The following PREX2 variants were observed in gnomAD, a reference collection of about 807,000 sequenced individuals.
The protein encoded by PREX2 is phosphatidylinositol-3,4,5-trisphosphate dependent Rac exchange factor 2, also known as phosphatidylinositol 3,4,5-trisphosphate-dependent Rac exchanger 2 protein.
Under a neutral mutation model 203.2 loss-of-function variants are expected in PREX2, and 107 were observed. The observed-to-expected ratio is 0.53, with a 90% confidence interval of 0.45 to 0.62. The LOEUF (loss-of-function observed/expected upper bound fraction) is 0.62. Among genes scored for constraint, PREX2 ranks in the 20% least tolerant of loss-of-function variants. The pLI is 0.00. For synonymous variants in PREX2, 672 were observed against 663.6 expected (o/e 1.01, Z -0.19); for missense variants, 1,777 against 1,955.9 (o/e 0.91, Z 1.72).
intron 31 of PREX2, 68 bp from the exon 32 acceptor site, chr8:68,133,991 C>G: frequency 8.2e-7 from 1 of 1,219,468 alleles, no homozygotes; most frequent in Non-Finnish European, 1.2e-6. Context: ...AATGTAGATG[C>G]TGAACGCATT....
chr8:68,224,905 C>T (rs1166815384), intron 39 of PREX2, among the ~76,000 whole-genome samples: 1 of 152,128 alleles, frequency 6.6e-6, no homozygotes, highest in Non-Finnish European at 1.5e-5. Context: ...TGACAAACAA[C>T]CAAAATCCCA....
At chr8:68,212,665 C>G (rs1424453245) in intron 37 of PREX2, among the ~76,000 whole-genome samples, 1 of 152,190 alleles carries the variant, frequency 6.6e-6, no homozygotes, top group African/African-American at 2.4e-5. Context: ...TTGTAACATA[C>G]TCTTTGCCTC....
intron 1 of PREX2, among the ~76,000 whole-genome samples, chr8:67,979,998 G>A (rs1309721589): frequency 6.6e-6 from 1 of 152,160 alleles, no homozygotes; most frequent in African/African-American, 2.4e-5. Flanking sequence ...TAGGTTCAGA[G>A]CAACTCCTTC....
intron 1 of PREX2, among the ~76,000 whole-genome samples, chr8:67,975,272 GTTTTTTTTTTTTTT>G (rs75276095): frequency 1.0e-5 from 1 of 96,822 alleles, no homozygotes; most frequent in Non-Finnish European, 2.0e-5. Flanking sequence ...CACACGGCCT[GTTTTTTTTTTTTTT>G]TTTTTTTTTT....
intron 37 of PREX2, among the ~76,000 whole-genome samples, chr8:68,199,764 G>A (rs1812466887): frequency 1.3e-5 from 2 of 152,136 alleles, no homozygotes; most frequent in African/African-American, 4.8e-5. Context: ...CTCTTTCTTT[G>A]TAATACTTTA....
intron 8 of PREX2, among the ~76,000 whole-genome samples, 153 bp downstream of exon 8, chr8:68,044,743 T>C (rs572912359): frequency 9.1e-4 from 138 of 151,840 alleles, no homozygotes; most frequent in Non-Finnish European, 8.1e-4. Flanking sequence ...AAGAGAAAGG[T>C]GAGATAAGGG....
intron 4 of PREX2, 136 bp downstream of exon 4, chr8:68,022,276 C>G: frequency 1.7e-6 from 1 of 574,038 alleles, no homozygotes; most frequent in South Asian, 2.1e-5. Flanking sequence ...AGCAAGAGTC[C>G]TTTGATGAAA....
rs1302233560 is a variant in PREX2 at position 68,234,097 on chromosome 8, T to C, written c.*2719T>C. The C allele has an allele frequency of 1.3e-5, 2 of 152,164 alleles. No individual in the cohort carries two copies. Among genetic ancestry groups the C allele is most frequent in the Non-Finnish European group, 2.9e-5 (2 of 68,026 alleles). The allele number at this position is 152,164 out of a possible 1,614,324, so 9.4% of individuals were successfully genotyped here. Reference sequence around the variant, plus strand: ...GTATCATGTTCCTCCTCATCAAAAATAACAGTTTTAGATAGTACATCTCAT... The same window carrying C: ...GTATCATGTTCCTCCTCATCAAAAACAACAGTTTTAGATAGTACATCTCAT... On this transcript the variant is annotated 3_prime_UTR_variant, in exon 40 of 40. Coordinates refer to ENST00000288368, the MANE Select transcript of PREX2 (RefSeq NM_024870.4).
chr8:68,073,551 T>C (rs556450984), intron 14 of PREX2, among the ~76,000 whole-genome samples: 1 of 152,326 alleles, frequency 6.6e-6, no homozygotes, highest in East Asian at 1.9e-4. Context: ...TTTTAGGCTG[T>C]TCAAGAACAC....
At chr8:68,069,727 G>A in intron 12 of PREX2, 108 bp from the exon 13 acceptor site, 1 of 558,860 alleles carries the variant, frequency 1.8e-6, no homozygotes, top group Non-Finnish European at 3.2e-6. Context: ...TTTAGATTTT[G>A]TGATGATTCT....
rs12056440 is a variant in PREX2 at position 68,114,109 on chromosome 8, A to G, written c.3147-1644A>G. 7.6e-4 allele frequency among the ~76,000 whole-genome samples: 115 copies of G among 152,090 alleles called. 2 individuals are homozygous for G. In the East Asian group the frequency reaches 0.02, roughly 26 times the overall value. ...ACTCCTGACCTCACGTGATCCACCC[A>G]CCTCGGCCTCCCAAAGCGCTGGGAT... On this transcript the variant is annotated intron_variant, in intron 25 of 39. Transcript: ENST00000288368.
chr8:68,184,928 G>A (rs925519896), intron 35 of PREX2, among the ~76,000 whole-genome samples: 14 of 152,144 alleles, frequency 9.2e-5, no homozygotes, highest in African/African-American at 3.4e-4. Context: ...TATTGAGCTA[G>A]GATTCTCATT....
intron 20 of PREX2, among the ~76,000 whole-genome samples, chr8:68,092,581 T>A (rs1479126304): frequency 6.6e-6 from 1 of 152,168 alleles, no homozygotes; most frequent in Non-Finnish European, 1.5e-5. Context: ...TAGGATAATT[T>A]TTAAGGAAAT....
At chr8:68,118,697 A>G (rs1221463829) in intron 27 of PREX2, 53 bp downstream of exon 27, 2 of 1,269,572 alleles carry the variant, frequency 1.6e-6, no homozygotes, top group Non-Finnish European at 2.3e-6. Flanking sequence ...CCTATAGGAG[A>G]TAACTTTAAG....
chr8:68,030,869 T>G (rs1162786382), intron 6 of PREX2, among the ~76,000 whole-genome samples: 30 of 152,082 alleles, frequency 2.0e-4, no homozygotes, highest in Admixed American at 2.0e-3. Context: ...CCCAATAAGT[T>G]TGTGATGGAG....
At chr8:68,210,702 A>C (rs1027244028) in intron 37 of PREX2, among the ~76,000 whole-genome samples, 4 of 152,214 alleles carry the variant, frequency 2.6e-5, no homozygotes, top group Admixed American at 2.0e-4. Context: ...ATGAGGCAGT[A>C]GTAGGCTTCT....
rs372583859 is a variant in PREX2, at chr8:68,230,061, TC to T, written c.4776-1270del. Among the ~76,000 whole-genome samples, 478 of 152,280 alleles carry T rather than the reference TC, an allele frequency of 3.1e-3. 2 individuals are homozygous for T. The highest frequency in any genetic ancestry group is 0.01 in the African/African-American group (429 of 41,558). On this transcript the variant is annotated intron_variant, in intron 39 of 39. Coordinates refer to ENST00000288368, the MANE Select transcript of PREX2 (RefSeq NM_024870.4). Reference sequence around the variant, plus strand: ...ATAACATGTAGTGCATCAACCACCTTCCGGACTTGAAATACGTTTTGCAAAC... The same window carrying T: ...ATAACATGTAGTGCATCAACCACCTTCGGACTTGAAATACGTTTTGCAAAC...
chr8:67,978,287 A>G (rs1806167130), intron 1 of PREX2, among the ~76,000 whole-genome samples: 1 of 151,998 alleles, frequency 6.6e-6, no homozygotes, highest in African/African-American at 2.4e-5. Context: ...TTTTTTCCCC[A>G]TATCCTTACA....
At chr8:68,058,649 A>T (rs1448919843) in intron 10 of PREX2, among the ~76,000 whole-genome samples, 1 of 152,070 alleles carries the variant, frequency 6.6e-6, no homozygotes, top group Non-Finnish European at 1.5e-5. Flanking sequence ...TGGCCAGGCT[A>T]GTCTCCAACT....
Sources: allele counts gnomAD v4.1 joint callset (sites outside exome capture counted in the v4.1 genomes callset), GRCh38; gene constraint gnomAD v4.1.1; transcripts MANE v1.5; gene names NCBI Gene and HGNC (gene_info 2026-07-23, HGNC 2026-07-21).